Variants in TEX11 observed in about 807,000 individuals in gnomAD.
TEX11 encodes the protein testis-expressed protein 11.
A neutral mutation model predicts 84.4 loss-of-function variants in TEX11; 7 were observed. The ratio of observed to expected loss-of-function variants is 0.08; its 90% CI spans 0.05 to 0.16. The LOEUF (loss-of-function observed/expected upper bound fraction) is 0.16, where lower values mean the gene tolerates loss of function less well. Ranked by LOEUF, TEX11 falls within the 10% of genes least tolerant of loss-of-function variation. TEX11 has a pLI of 1.00. For missense variants in TEX11, 551 were observed against 660.5 expected, an observed-to-expected ratio of 0.83 and a Z score of 1.82; for synonymous variants, 264 against 222.8, an observed-to-expected ratio of 1.18 and a Z score of -1.64.
chrX:70,848,731 A>G (rs2091492234), intron 7 of TEX11, among the ~76,000 whole-genome samples: 1 of 111,929 alleles, frequency 8.9e-6, no homozygotes, highest in East Asian at 2.8e-4. Context: ...ACTAGGAAAG[A>G]TGGTGAACCA....
chrX:70,824,483 C>T (rs1346652515), intron 8 of TEX11, among the ~76,000 whole-genome samples: 1 of 111,613 alleles, frequency 9.0e-6, no homozygotes, highest in Admixed American at 9.6e-5. Context: ...GAGAGGAAAA[C>T]CTTACTGTCC....
At chrX:70,883,614 G>A (rs1490575542) in intron 2 of TEX11, among the ~76,000 whole-genome samples, 1 of 111,193 alleles carries the variant, frequency 9.0e-6, no homozygotes, top group Non-Finnish European at 1.9e-5. Flanking sequence ...GAGATGAGAA[G>A]ACAGCAAACT....
intron 7 of TEX11, among the ~76,000 whole-genome samples, chrX:70,848,950 G>C (rs890562047): frequency 8.0e-5 from 9 of 111,812 alleles, no homozygotes; most frequent in Non-Finnish European, 1.5e-4. Flanking sequence ...GCAGAAAGAG[G>C]CATTGCCAGT....
intron 3 of TEX11, among the ~76,000 whole-genome samples, chrX:70,878,935 TCA>T (rs1305788062): frequency 8.9e-6 from 1 of 112,507 alleles, no homozygotes; most frequent in Non-Finnish European, 1.9e-5. Context: ...GGGATATTAT[TCA>T]GTCATAAAAA....
At chrX:70,755,734 G>A (rs781027735) in intron 9 of TEX11, among the ~76,000 whole-genome samples, 4 of 112,207 alleles carry the variant, frequency 3.6e-5, no homozygotes, top group Non-Finnish European at 7.5e-5. Context: ...TTATCTCATT[G>A]AGACTGGTTG....
Position 70,728,234 on chromosome X carries a change from G to C in TEX11, c.844-2891C>G, listed in dbSNP as rs758549361. Reference sequence around the variant, plus strand: ...AGCTCCAGTCTACAGCTCCCAGTGTGAGCAACACAGAAGACAGGTGATTTC... The same window carrying C: ...AGCTCCAGTCTACAGCTCCCAGTGTCAGCAACACAGAAGACAGGTGATTTC... On this transcript the variant is annotated intron_variant, in intron 11 of 29. Coordinates refer to ENST00000374333, the MANE Select transcript of TEX11 (RefSeq NM_031276.3). Among the ~76,000 whole-genome samples, 445 of 112,521 alleles carry C rather than the reference G, an allele frequency of 4.0e-3. 2 individuals are homozygous for C. The highest frequency in any genetic ancestry group is 5.4e-3 in the Non-Finnish European group (289 of 53,289).
chrX:70,645,196 C>T (rs890484648), intron 17 of TEX11, among the ~76,000 whole-genome samples: 39 of 110,300 alleles, frequency 3.5e-4, no homozygotes, highest in African/African-American at 1.2e-3. Context: ...TGTCACTGCT[C>T]CTACCAAACG....
At chrX:70,752,382 G>A (rs748975948) in intron 9 of TEX11, among the ~76,000 whole-genome samples, 69 of 108,594 alleles carry the variant, frequency 6.4e-4, no homozygotes, top group Middle Eastern at 4.7e-3. Flanking sequence ...AAAATTAGCC[G>A]GGCGTGGTGG....
rs1482602258 is a variant in TEX11, at chrX:70,850,592, AAAT to A, written c.525+2439_525+2441del. On this transcript the variant is annotated intron_variant, in intron 7 of 29. Coordinates refer to ENST00000374333, the MANE Select transcript of TEX11 (RefSeq NM_031276.3). ...CCCTCCCTCTACAAAAAAAAAAAAA[AAAT>A]GTTTATTTAATTAGCCAGGCACAGT... Among the ~76,000 whole-genome samples the A allele has an allele frequency of 5.5e-5, 6 of 109,763 alleles. No individual in the cohort carries two copies. The East Asian group carries it at 1.7e-3, about 31-fold the overall frequency.
chrX:70,793,677 T>C (rs765887337), intron 9 of TEX11, among the ~76,000 whole-genome samples: 1 of 111,598 alleles, frequency 9.0e-6, no homozygotes, highest in South Asian at 3.8e-4. Flanking sequence ...CAATTAAACC[T>C]TTTTTCTTAT....
chrX:70,870,479 G>A (rs142516525), intron 4 of TEX11, among the ~76,000 whole-genome samples: 7,308 of 110,555 alleles, frequency 0.066, 272 homozygotes, highest in Non-Finnish European at 0.11. Context: ...GGGACCACAG[G>A]AGCCCACCAC....
intron 25 of TEX11, among the ~76,000 whole-genome samples, chrX:70,589,141 A>C (rs1027531585): frequency 3.3e-4 from 37 of 110,611 alleles, no homozygotes; most frequent in African/African-American, 1.1e-3. Context: ...TCAAAATAGC[A>C]TATTTTATGT....
chrX:70,571,280 A>T (rs1448813196), intron 25 of TEX11, among the ~76,000 whole-genome samples: 1 of 111,788 alleles, frequency 8.9e-6, no homozygotes, highest in Non-Finnish European at 1.9e-5. Context: ...TGGCCTCCCA[A>T]AGTGCTGGGA....
At chrX:70,523,054 G>C in the TEX11 span, among the ~76,000 whole-genome samples, 103 of 110,502 alleles carry the variant, frequency 9.3e-4, no homozygotes, top group African/African-American at 3.2e-3. Context: ...AGTCCATTTG[G>C]GGCACGTAGT....
chrX:70,819,020 A>T (rs1419898659), intron 8 of TEX11, among the ~76,000 whole-genome samples: 1 of 112,253 alleles, frequency 8.9e-6, no homozygotes, highest in East Asian at 2.8e-4. Context: ...ACATTCAAAG[A>T]AGAATTAATA....
chrX:70,588,036 G>A (rs2088877641), intron 25 of TEX11, among the ~76,000 whole-genome samples: 1 of 112,536 alleles, frequency 8.9e-6, no homozygotes, highest in Non-Finnish European at 1.9e-5. Flanking sequence ...TGGAATGGGT[G>A]TATTTACCCA....
chrX:70,649,122 G>A (rs1441708337), intron 17 of TEX11, among the ~76,000 whole-genome samples: 5 of 112,000 alleles, frequency 4.5e-5, no homozygotes, highest in Non-Finnish European at 5.6e-5. Context: ...TGCCATTGAT[G>A]GGCATTTGGG....
chrX:70,757,413 A>G (rs1284579686), intron 9 of TEX11, among the ~76,000 whole-genome samples: 1 of 112,242 alleles, frequency 8.9e-6, no homozygotes, highest in Non-Finnish European at 1.9e-5. Context: ...TCAGACTAAT[A>G]GCGGATCTCT....
At chrX:70,604,733 T>G (rs777961711) in intron 24 of TEX11, among the ~76,000 whole-genome samples, 15 of 110,908 alleles carry the variant, frequency 1.4e-4, no homozygotes, top group Non-Finnish European at 2.5e-4. Context: ...AGCAGAGAGA[T>G]CTAGATCTTA....
Sources: gnomAD v4.1 joint callset for allele counts (sites outside exome capture counted in the v4.1 genomes callset) on GRCh38, gnomAD v4.1.1 for gene constraint, MANE v1.5 for transcripts, NCBI Gene and HGNC (gene_info 2026-07-23, HGNC 2026-07-21) for gene names.